The following PCDH9 variants were observed in gnomAD, a reference collection of about 807,000 sequenced individuals.
The protein encoded by PCDH9 is protocadherin-9.
A neutral mutation model predicts 70.6 loss-of-function variants in PCDH9; 24 were observed. The ratio of observed to expected loss-of-function variants is 0.34; its 90% CI spans 0.25 to 0.48. The LOEUF (loss-of-function observed/expected upper bound fraction) is 0.48. Among genes scored for constraint, PCDH9 ranks in the 20% least tolerant of loss-of-function variants. The probability of loss-of-function intolerance (pLI) is 0.99; values close to 1 mark genes in which losing one functional copy is unlikely to be tolerated. For synonymous variants in PCDH9, 562 were observed against 558.5 expected (o/e 1.01, Z -0.09); for missense variants, 1,281 against 1,503.6 (o/e 0.85, Z 2.45).
chr13:66,635,513 A>C (rs1003755547), intron 3 of PCDH9, among the ~76,000 whole-genome samples: 2 of 151,980 alleles, frequency 1.3e-5, no homozygotes, highest in Non-Finnish European at 2.9e-5. Context: ...CCTGAAAGTC[A>C]GAAGGTGACA....
chr13:67,059,368 G>GTATA, intron 2 of PCDH9, among the ~76,000 whole-genome samples: 1 of 121,082 alleles, frequency 8.3e-6, no homozygotes, highest in South Asian at 2.9e-4. Context: ...TATATATAGT[G>GTATA]TGTATATATA....
chr13:66,758,301 A>C (rs1216565190), intron 3 of PCDH9, among the ~76,000 whole-genome samples: 1 of 152,040 alleles, frequency 6.6e-6, no homozygotes, highest in East Asian at 1.9e-4. Flanking sequence ...GATTTCTCCT[A>C]TCTAACTATA....
At chr13:66,874,654 A>C (rs988114121) in intron 3 of PCDH9, among the ~76,000 whole-genome samples, 1 of 152,280 alleles carries the variant, frequency 6.6e-6, no homozygotes, top group South Asian at 2.1e-4. Context: ...GAGGATACGC[A>C]GGGAAACATT....
intron 2 of PCDH9, among the ~76,000 whole-genome samples, chr13:67,128,040 C>T (rs1443480365): frequency 6.6e-6 from 1 of 152,042 alleles, no homozygotes; most frequent in Non-Finnish European, 1.5e-5. Flanking sequence ...ATAAGCTCTG[C>T]AGGTGGCAGG....
intron 2 of PCDH9, among the ~76,000 whole-genome samples, chr13:67,183,871 A>C (rs1290146644): frequency 6.6e-6 from 1 of 152,208 alleles, no homozygotes; most frequent in Non-Finnish European, 1.5e-5. Flanking sequence ...AAAAAGAAAA[A>C]AAATATTATG....
At chr13:66,923,442 T>C (rs1215020265) in intron 2 of PCDH9, among the ~76,000 whole-genome samples, 5 of 151,660 alleles carry the variant, frequency 3.3e-5, no homozygotes, top group Admixed American at 6.6e-5. Flanking sequence ...ATAAAGACTT[T>C]ATCTTAAGCA....
intron 2 of PCDH9, among the ~76,000 whole-genome samples, chr13:66,922,570 A>C (rs943770643): frequency 1.3e-5 from 2 of 151,488 alleles, no homozygotes. Flanking sequence ...CCTTATGTTC[A>C]TAGCCTCCCT....
intron 2 of PCDH9, among the ~76,000 whole-genome samples, chr13:67,165,021 C>T (rs1028026066): frequency 3.9e-5 from 6 of 152,032 alleles, no homozygotes; most frequent in African/African-American, 7.3e-5. Context: ...CATAGCATCC[C>T]CAGCATCTGA....
intron 4 of PCDH9, among the ~76,000 whole-genome samples, chr13:66,408,378 G>A (rs558407951): frequency 6.6e-6 from 1 of 152,172 alleles, no homozygotes; most frequent in Non-Finnish European, 1.5e-5. Context: ...CCTTAACAGG[G>A]ATGACAGAAC....
At chr13:66,450,918 G>A (rs1380913950) in intron 4 of PCDH9, among the ~76,000 whole-genome samples, 1 of 152,160 alleles carries the variant, frequency 6.6e-6, no homozygotes, top group Non-Finnish European at 1.5e-5. Flanking sequence ...TTGGGAGGCT[G>A]AGGCAGGAGA....
intron 4 of PCDH9, among the ~76,000 whole-genome samples, chr13:66,521,812 G>A (rs1960002376): frequency 6.6e-6 from 1 of 151,860 alleles, no homozygotes; most frequent in South Asian, 2.1e-4. Flanking sequence ...CTTAATCTGG[G>A]TCTCTCTAAC....
At chr13:67,126,545 C>T (rs1458397728) in intron 2 of PCDH9, among the ~76,000 whole-genome samples, 1 of 152,088 alleles carries the variant, frequency 6.6e-6, no homozygotes, top group Non-Finnish European at 1.5e-5. Flanking sequence ...GACAAGTTTC[C>T]TCCTTATTTT....
chr13:66,535,504 G>C (rs1960659336), intron 4 of PCDH9, among the ~76,000 whole-genome samples: 1 of 151,934 alleles, frequency 6.6e-6, no homozygotes, highest in South Asian at 2.1e-4. Flanking sequence ...CTAAATACCA[G>C]GTGTGAGAAA....
intron 2 of PCDH9, among the ~76,000 whole-genome samples, chr13:67,188,625 G>A (rs2088823754): frequency 6.6e-6 from 1 of 151,962 alleles, no homozygotes; most frequent in African/African-American, 2.4e-5. Context: ...TTATCCTAGT[G>A]ATCTGCCCTG....
chr13:66,602,198 A>G (rs2077172772), intron 4 of PCDH9, among the ~76,000 whole-genome samples: 1 of 146,150 alleles, frequency 6.8e-6, no homozygotes, highest in South Asian at 2.2e-4. Flanking sequence ...CTGATAAACT[A>G]AAATAAATCA....
At chr13:66,757,789 G>A (rs1325001198) in intron 3 of PCDH9, among the ~76,000 whole-genome samples, 1 of 151,992 alleles carries the variant, frequency 6.6e-6, no homozygotes, top group Non-Finnish European at 1.5e-5. Context: ...TTAAACCAAA[G>A]TTTGATGTAG....
intron 4 of PCDH9, among the ~76,000 whole-genome samples, chr13:66,601,279 G>GT (rs1222660309): frequency 1.4e-5 from 2 of 145,568 alleles, no homozygotes; most frequent in African/African-American, 4.9e-5. Context: ...ATAATGTTTA[G>GT]TTTTTTAAAA....
chr13:66,636,579 A>G (rs1345229729), intron 3 of PCDH9, among the ~76,000 whole-genome samples: 3 of 152,182 alleles, frequency 2.0e-5, no homozygotes, highest in Admixed American at 2.0e-4. Flanking sequence ...TTATGAAAAT[A>G]GAAACAAAAA....
intron 4 of PCDH9, among the ~76,000 whole-genome samples, chr13:66,450,108 G>C (rs1049129654): frequency 6.6e-6 from 1 of 151,996 alleles, no homozygotes; most frequent in South Asian, 2.1e-4. Flanking sequence ...AAAAAACACA[G>C]ACAACTACAT....
Sources: allele counts gnomAD v4.1 joint callset (sites outside exome capture counted in the v4.1 genomes callset), GRCh38; gene constraint gnomAD v4.1.1; transcripts MANE v1.5; gene names NCBI Gene and HGNC (gene_info 2026-07-23, HGNC 2026-07-21).